Variants in AMOTL1 observed in about 807,000 individuals in gnomAD.
AMOTL1 encodes angiomotin like 1.
Under a neutral mutation model 102.9 loss-of-function variants are expected in AMOTL1, and 45 were observed. The ratio of observed to expected loss-of-function variants is 0.44; its 90% confidence interval spans 0.34 to 0.56. The LOEUF (loss-of-function observed/expected upper bound fraction) is 0.56, where lower values mean the gene tolerates loss of function less well. Ranked by LOEUF, AMOTL1 falls within the 20% of genes least tolerant of loss-of-function variation. The pLI is 0.01. For synonymous variants in AMOTL1, 481 were observed against 484.7 expected (o/e 0.99, Z 0.10); for missense variants, 1,114 against 1,225.6 (o/e 0.91, Z 1.36).
intron 1 of AMOTL1, among the ~76,000 whole-genome samples, chr11:94,713,976 GA>G (rs1950056821): frequency 6.6e-6 from 1 of 151,932 alleles, no homozygotes; most frequent in African/African-American, 2.4e-5. Context: ...AATCTCAAAG[GA>G]AAAGCATTCA....
At chr11:94,836,782 G>A (rs1952192470) in intron 6 of AMOTL1, among the ~76,000 whole-genome samples, 2 of 145,022 alleles carry the variant, frequency 1.4e-5, no homozygotes. Context: ...TTTTAGAATA[G>A]AAGAATATCC....
chr11:94,743,218 T>A (rs1464207668), intron 3 of AMOTL1, among the ~76,000 whole-genome samples: 1 of 152,212 alleles, frequency 6.6e-6, no homozygotes, highest in Non-Finnish European at 1.5e-5. Flanking sequence ...GCGGGGGTTG[T>A]GCCCGGGGAT....
intron 8 of AMOTL1, among the ~76,000 whole-genome samples, chr11:94,858,412 C>G (rs1330113639): frequency 6.6e-6 from 1 of 152,122 alleles, no homozygotes; most frequent in African/African-American, 2.4e-5. Flanking sequence ...ACCCATACAC[C>G]CATTTCTTTT....
At chr11:94,847,409 A>G (rs1952439162) in intron 6 of AMOTL1, among the ~76,000 whole-genome samples, 1 of 152,204 alleles carries the variant, frequency 6.6e-6, no homozygotes, top group Non-Finnish European at 1.5e-5. Flanking sequence ...CTTGGCACAT[A>G]ATAGAGACTC....
At chr11:94,866,699 TG>T (rs1208883644) in intron 11 of AMOTL1, 1 of 157,774 alleles carries the variant, frequency 6.3e-6, no homozygotes, top group Non-Finnish European at 1.4e-5. Context: ...CTTTACCCCA[TG>T]GGGCGTGGGA....
chr11:94,856,248 A>G (rs1952661062), intron 8 of AMOTL1, among the ~76,000 whole-genome samples: 1 of 152,138 alleles, frequency 6.6e-6, no homozygotes, highest in South Asian at 2.1e-4. Context: ...TAGGATGCTC[A>G]ATCTTATTAT....
chr11:94,719,735 G>A (rs1470000855), intron 1 of AMOTL1, among the ~76,000 whole-genome samples: 2 of 151,890 alleles, frequency 1.3e-5, no homozygotes, highest in Non-Finnish European at 2.9e-5. Context: ...TCCTCACTAC[G>A]TATTCTTTAA....
At chr11:94,854,461 G>A (rs1332982765) in intron 8 of AMOTL1, among the ~76,000 whole-genome samples, 2 of 152,198 alleles carry the variant, frequency 1.3e-5, no homozygotes, top group Admixed American at 1.3e-4. Flanking sequence ...GACATAGCAC[G>A]TCCAGGGTAG....
rs532693233 is a variant in AMOTL1 at position 94,874,020 on chromosome 11, T to C, written c.*3225T>C. 3 of 152,288 alleles carry C rather than the reference T, an allele frequency of 2.0e-5. No homozygotes were observed. Among genetic ancestry groups the C allele is most frequent in the African/African-American group, 7.2e-5 (3 of 41,542 alleles). The allele number at this position is 152,288 out of a possible 1,614,324, so 9.4% of individuals were successfully genotyped here. ...GATTATAGAACTTGAGGGTCCTATC[T>C]CAGGATGAAGGGGAGAGGCCCTGGC... is the stretch of plus-strand genomic sequence containing the variant. On this transcript the variant is annotated 3_prime_UTR_variant, in exon 13 of 13. Transcript: ENST00000433060.
chr11:94,719,075 A>G (rs1950136397), intron 1 of AMOTL1, among the ~76,000 whole-genome samples: 3 of 152,166 alleles, frequency 2.0e-5, no homozygotes, highest in Non-Finnish European at 4.4e-5. Flanking sequence ...AAATGAATAG[A>G]CAATTGTCCC....
At chr11:94,817,327 A>T (rs1951783338) in intron 3 of AMOTL1, among the ~76,000 whole-genome samples, 1 of 151,976 alleles carries the variant, frequency 6.6e-6, no homozygotes, top group South Asian at 2.1e-4. Flanking sequence ...TTTATATTTG[A>T]CACACTTTCT....
chr11:94,865,083 C>T (rs1335098723), intron 10 of AMOTL1, among the ~76,000 whole-genome samples: 1 of 152,102 alleles, frequency 6.6e-6, no homozygotes, highest in Admixed American at 6.5e-5. Context: ...GGGGAAATTG[C>T]GTGTCACCTG....
chr11:94,787,909 A>C (rs1309203861), intron 1 of AMOTL1, among the ~76,000 whole-genome samples: 1 of 152,200 alleles, frequency 6.6e-6, no homozygotes, highest in Non-Finnish European at 1.5e-5. Flanking sequence ...GAAAATGGGC[A>C]GGAATCTAGG....
At chr11:94,758,596 T>C (rs1454247269) in intron 3 of AMOTL1, among the ~76,000 whole-genome samples, 1 of 152,228 alleles carries the variant, frequency 6.6e-6, no homozygotes, top group Admixed American at 6.5e-5. Flanking sequence ...AGCACTGTCA[T>C]GAGCCTCACT....
chr11:94,723,477 C>T (rs561791505), intron 1 of AMOTL1, among the ~76,000 whole-genome samples: 1 of 152,214 alleles, frequency 6.6e-6, no homozygotes, highest in South Asian at 2.1e-4. Context: ...GTTGCCACAA[C>T]TCCTTAGAGA....
At chr11:94,797,057 CAT>C (rs1422594360) in intron 2 of AMOTL1, 1 of 979,370 alleles carries the variant, frequency 1.0e-6, no homozygotes, top group Non-Finnish European at 1.2e-6. Flanking sequence ...CTGGATGACT[CAT>C]ATTTGAGAAT....
chr11:94,820,278 A>G (rs1443896496), intron 3 of AMOTL1: 1 of 152,344 alleles, frequency 6.6e-6, no homozygotes, highest in Admixed American at 6.5e-5. Context: ...CACCTAGACC[A>G]CACCTGGGCC....
intron 3 of AMOTL1, among the ~76,000 whole-genome samples, chr11:94,800,517 A>T (rs1164733825): frequency 6.6e-6 from 1 of 152,224 alleles, no homozygotes; most frequent in Non-Finnish European, 1.5e-5. Context: ...ACATAGCAGC[A>T]GGCAGTTGGG....
intron 1 of AMOTL1, among the ~76,000 whole-genome samples, chr11:94,709,125 T>C (rs1383951607): frequency 6.6e-6 from 1 of 152,214 alleles, no homozygotes; most frequent in South Asian, 2.1e-4. Flanking sequence ...GCTCCTAGAC[T>C]GTACAAATTC....
Sources: gnomAD v4.1 joint callset for allele counts (sites outside exome capture counted in the v4.1 genomes callset) on GRCh38, gnomAD v4.1.1 for gene constraint, MANE v1.5 for transcripts, NCBI Gene and HGNC (gene_info 2026-07-23, HGNC 2026-07-21) for gene names.